Variants in XXYLT1 observed in about 807,000 individuals in gnomAD.
XXYLT1 encodes xyloside xylosyltransferase 1, also known as UDP-xylose:alpha-xyloside alpha-1,3-xylosyltransferase.
A neutral mutation model predicts 28.9 loss-of-function variants in XXYLT1; 20 were observed. The ratio of observed to expected loss-of-function variants is 0.69; its 90% CI spans 0.49 to 1.00. XXYLT1 has a LOEUF of 1.00. Among genes scored for constraint, XXYLT1 ranks in the 50% least tolerant of loss-of-function variants. XXYLT1 has a pLI of 0.00. For synonymous variants in XXYLT1, 257 were observed against 253.8 expected (o/e 1.01, Z -0.12); for missense variants, 542 against 560.1 (o/e 0.97, Z 0.33).
intron 1 of XXYLT1, among the ~76,000 whole-genome samples, chr3:195,258,743 A>G (rs185653129): frequency 6.5e-4 from 99 of 152,384 alleles, no homozygotes; most frequent in Middle Eastern, 3.4e-3. Flanking sequence ...TGAACATCAA[A>G]TAAGGCTAAG....
Position 195,257,078 on chromosome 3 carries a change from G to A in XXYLT1, c.504+13477C>T, listed in dbSNP as rs868614905. On this transcript the variant is annotated intron_variant, in intron 1 of 3. Transcript: ENST00000310380. This position sits in a 1 kb window ranked among gnomAD's most constrained non-coding sequence, Gnocchi z 4.3. ...CTGCAGGAGAACCCGTGACAAGAGG[G>A]ACCGGGAAGCTTTCTTTACAAGCTT... 3.2e-4 allele frequency among the ~76,000 whole-genome samples: 48 copies of A among 152,214 alleles called. No homozygotes were observed. The highest frequency in any genetic ancestry group is 9.2e-4 in the African/African-American group (38 of 41,448).
At chr3:195,254,621 G>T (rs1408628208) in intron 1 of XXYLT1, among the ~76,000 whole-genome samples, 1 of 152,184 alleles carries the variant, frequency 6.6e-6, no homozygotes, top group Non-Finnish European at 1.5e-5. Flanking sequence ...AGCCACCTGC[G>T]CCAGGCTGGG....
chr3:195,127,341 G>A (rs781364698), intron 3 of XXYLT1, among the ~76,000 whole-genome samples: 1 of 152,132 alleles, frequency 6.6e-6, no homozygotes, highest in Non-Finnish European at 1.5e-5. Flanking sequence ...GTTCCTCCAG[G>A]GGTGCCATGG....
At chr3:195,244,839 A>AATAC (rs1259776797) in intron 1 of XXYLT1, among the ~76,000 whole-genome samples, 2 of 139,800 alleles carry the variant, frequency 1.4e-5, no homozygotes, top group Non-Finnish European at 3.1e-5. Flanking sequence ...ATACAACATG[A>AATAC]GACTCTGTCT....
intron 3 of XXYLT1, among the ~76,000 whole-genome samples, chr3:195,125,786 G>A (rs1355575025): frequency 6.6e-6 from 1 of 152,220 alleles, no homozygotes; most frequent in Non-Finnish European, 1.5e-5. Context: ...GGCCCTGCTG[G>A]CGCCAACCTG....
chr3:195,100,953 G>A (rs1287547316), intron 3 of XXYLT1, among the ~76,000 whole-genome samples: 1 of 152,248 alleles, frequency 6.6e-6, no homozygotes. Flanking sequence ...GTCTAGACAG[G>A]TATACTTTCA....
chr3:195,203,178 C>T (rs1032459341), intron 2 of XXYLT1, among the ~76,000 whole-genome samples: 3 of 152,000 alleles, frequency 2.0e-5, no homozygotes, highest in Non-Finnish European at 2.9e-5. Context: ...ATGTTTTCAA[C>T]GTATTTCAGG....
chr3:195,177,394 C>T (rs1721722716), intron 2 of XXYLT1, among the ~76,000 whole-genome samples: 1 of 152,134 alleles, frequency 6.6e-6, no homozygotes, highest in Non-Finnish European at 1.5e-5. Context: ...TGAATGTGTT[C>T]ATCAAGGACT....
In XXYLT1 at chr3:195,240,821, G is replaced by A. The variant is rs979686880; in HGVS notation, c.505-13965C>T. Among the ~76,000 whole-genome samples, 3 of 152,230 alleles carry A rather than the reference G, an allele frequency of 2.0e-5. No individual in the cohort carries two copies. Among genetic ancestry groups the A allele is most frequent in the South Asian group, 2.1e-4 (1 of 4,834 alleles). Reference sequence around the variant, plus strand: ...ACCTCCTGAAGGAACCATAAACTGGGGGACTGAGGCAGGAGGATCGCTTGA... The same window carrying A: ...ACCTCCTGAAGGAACCATAAACTGGAGGACTGAGGCAGGAGGATCGCTTGA... On this transcript the variant is annotated intron_variant, in intron 1 of 3. Transcript: ENST00000310380. The surrounding 1 kb of genome is among the most constrained non-coding windows in gnomAD (Gnocchi z 4.7).
At chr3:195,267,531 T>C (rs989211843) in intron 1 of XXYLT1, among the ~76,000 whole-genome samples, 6 of 152,190 alleles carry the variant, frequency 3.9e-5, no homozygotes, top group Non-Finnish European at 8.8e-5. Context: ...GTTTCCTTCT[T>C]CCGAGTCAAT....
chr3:195,174,116 G>C (rs758057566), intron 2 of XXYLT1, among the ~76,000 whole-genome samples: 47 of 152,272 alleles, frequency 3.1e-4, no homozygotes, highest in Non-Finnish European at 5.1e-4. Context: ...CTTCATATAA[G>C]CCAGCCTCCT....
At chr3:195,237,197 T>C (rs954684308) in intron 1 of XXYLT1, among the ~76,000 whole-genome samples, 5 of 149,340 alleles carry the variant, frequency 3.3e-5, no homozygotes, top group African/African-American at 1.3e-4. Flanking sequence ...CTGGTTTATT[T>C]AGAACCCAGA....
At chr3:195,184,726 C>T in intron 2 of XXYLT1, 1 of 985,352 alleles carries the variant, frequency 1.0e-6, no homozygotes, top group Non-Finnish European at 1.2e-6. Flanking sequence ...ATATTTGAGT[C>T]TATCATAGAC....
chr3:195,117,114 T>TACACACACACACACACACACACAC lies in XXYLT1; in HGVS notation c.785+39311_785+39334dup, dbSNP rs10633458. Among the ~76,000 whole-genome samples the TACACACACACACACACACACACAC allele has an allele frequency of 1.6e-3, 233 of 148,732 alleles. 1 individual carries two copies. The highest frequency in any genetic ancestry group is 5.6e-3 in the African/African-American group (228 of 40,390). On this transcript the variant is annotated intron_variant, in intron 3 of 3. Coordinates refer to ENST00000310380, the MANE Select transcript of XXYLT1 (RefSeq NM_152531.5). ...AAACATCCTATATATATATAGTGTA[T>TACACACACACACACACACACACAC]ACACACACACACACACACACACACA...
chr3:195,125,418 G>A (rs577434773), intron 3 of XXYLT1, among the ~76,000 whole-genome samples: 4 of 152,346 alleles, frequency 2.6e-5, no homozygotes, highest in African/African-American at 4.8e-5. Context: ...CTTAGGTAGG[G>A]CCATGGACCA....
At chr3:195,100,788 T>A (rs1485378277) in intron 3 of XXYLT1, among the ~76,000 whole-genome samples, 1 of 152,236 alleles carries the variant, frequency 6.6e-6, no homozygotes, top group Non-Finnish European at 1.5e-5. Flanking sequence ...TCTATGGTTG[T>A]GGGGTTTATA....
intron 3 of XXYLT1, among the ~76,000 whole-genome samples, chr3:195,131,837 T>A (rs918649123): frequency 6.6e-6 from 1 of 152,204 alleles, no homozygotes; most frequent in Non-Finnish European, 1.5e-5. Context: ...GAGGCTTGGA[T>A]CTTCCATTTC....
rs558252375 is a variant in XXYLT1 at position 195,088,382 on chromosome 3, C to A, written c.786-18271G>T. Among the ~76,000 whole-genome samples the A allele has an allele frequency of 2.7e-5, 4 of 146,942 alleles. No individual in the cohort carries two copies. The East Asian group carries it at 6.3e-4, about 23-fold the overall frequency. ...CCTCAAGTGGGTCCCTGACCCCTGACCCCCGAGCAGCCTAACTGGGAGGCA... is the reference window on the plus strand; with the variant it reads ...CCTCAAGTGGGTCCCTGACCCCTGAACCCCGAGCAGCCTAACTGGGAGGCA... On this transcript the variant is annotated intron_variant, in intron 3 of 3. Transcript: ENST00000310380.
intron 2 of XXYLT1, among the ~76,000 whole-genome samples, chr3:195,189,151 T>C (rs1262664596): frequency 6.6e-6 from 1 of 152,174 alleles, no homozygotes; most frequent in African/African-American, 2.4e-5. Context: ...GAGTAACACA[T>C]GTGACTTGCC....
Sources: gnomAD v4.1 joint callset for allele counts (sites outside exome capture counted in the v4.1 genomes callset) on GRCh38, gnomAD v4.1.1 for gene constraint, Gnocchi (gnomAD v3.1) non-coding constraint, MANE v1.5 for transcripts, NCBI Gene and HGNC (gene_info 2026-07-23, HGNC 2026-07-21) for gene names.